The following SCRIB variants were observed in gnomAD, a reference collection of about 807,000 sequenced individuals.
The protein encoded by SCRIB is protein scribble homolog.
A neutral mutation model predicts 170.0 loss-of-function variants in SCRIB; 72 were observed. The observed-to-expected ratio is 0.42, with a 90% confidence interval of 0.35 to 0.52. The LOEUF (loss-of-function observed/expected upper bound fraction) is 0.52, where lower values mean the gene tolerates loss of function less well. SCRIB is among the 20% of genes least tolerant of loss of function. The pLI is 0.02. For synonymous variants in SCRIB, 1,298 were observed against 1,044.3 expected (o/e 1.24, Z -4.68); for missense variants, 2,475 against 2,338.5 (o/e 1.06, Z -1.20).
Position 143,805,158 on chromosome 8 carries a change from C to T in SCRIB, c.2624G>A (p.Ser875Asn). 13 of 1,577,372 alleles carry T rather than the reference C, an allele frequency of 8.2e-6. No individual in the cohort carries two copies. Among genetic ancestry groups the T allele is most frequent in the Non-Finnish European group, 1.1e-5 (13 of 1,160,688 alleles). Residue 875 changes from serine (S) to asparagine (N), a missense_variant, in exon 19 of 37, where the codon AGC becomes AAC. Ser to Asn is a conservative substitution (Grantham distance 46, BLOSUM62 1). Coordinates refer to ENST00000356994, the MANE Select transcript of SCRIB (RefSeq NM_182706.5). Reference protein sequence around the residue: ...LARSERGLGFSIAGGKGSTPY... With the variant: ...LARSERGLGFNIAGGKGSTPY... ...TGTGGAGCCTTTCCCACCAGCAATGCTGAAGCCCAGCCCCCTCTCGCTGCG... is the reference window on the plus strand; with the variant it reads ...TGTGGAGCCTTTCCCACCAGCAATGTTGAAGCCCAGCCCCCTCTCGCTGCG...
At position 143,792,798 on chromosome 8, in the gene SCRIB, G is replaced by A. The variant is rs1554633245; in HGVS notation, c.4087C>T (p.Leu1363=). The change falls in exon 30 of 37, where the codon CTG becomes TTG. Residue 1363 remains leucine, a synonymous_variant. Transcript: ENST00000356994. ...TCGGCCTGGGGCACGCGCACCTCCA[G>A]CTCAAAGTACTTCTGCCGCTCCCGG... ...SFRERQKYFE[L]EVRVPQAEGP... 4 of 1,570,564 alleles carry A rather than the reference G, an allele frequency of 2.5e-6. No homozygotes were observed. The highest frequency in any genetic ancestry group is 1.7e-4 in the Middle Eastern group (1 of 5,874).
At chr8:143,806,175 A>T (rs1485362342) in intron 18 of SCRIB, among the ~76,000 whole-genome samples, 3 of 152,150 alleles carry the variant, frequency 2.0e-5, no homozygotes, top group Non-Finnish European at 4.4e-5. Flanking sequence ...AAAGATGAGC[A>T]ATCAGGGCGC....
At position 143,810,469 on chromosome 8, in the gene SCRIB, C is replaced by T; in HGVS notation, c.1530+10G>A. The T allele has an allele frequency of 6.2e-7, 1 of 1,604,978 alleles. No individual in the cohort carries two copies. The highest frequency in any genetic ancestry group is 8.5e-7 in the Non-Finnish European group (1 of 1,179,306). ...AGCGGCCCGCCAGGTTGCCGTGGCTCCATGCCCACCTCCTCTGCAGGCAAG... is the reference window on the plus strand; with the variant it reads ...AGCGGCCCGCCAGGTTGCCGTGGCTTCATGCCCACCTCCTCTGCAGGCAAG... On this transcript the variant is annotated intron_variant, in intron 13 of 36. Transcript: ENST00000356994.
In SCRIB at chr8:143,815,636, C is replaced by A; in HGVS notation, c.-264G>T. On this transcript the variant is annotated 5_prime_UTR_variant, in exon 1 of 37. Transcript: ENST00000356994. The stretch of plus-strand genomic sequence containing the variant: ...GCGGGGAGCGGCGGCGGCGGCGGCT[C>A]CGCATCCCGCTTGGTCCTGCTCAGC... The A allele has an allele frequency of 2.0e-6, 2 of 982,652 alleles. No individual in the cohort carries two copies. Among genetic ancestry groups the A allele is most frequent in the Non-Finnish European group, 2.4e-6 (2 of 828,658 alleles). 60.9% of individuals were successfully genotyped at this position (982,652 alleles called of 1,614,324 possible).
chr8:143,804,278 G>A (rs1425497899), intron 21 of SCRIB, 122 bp from the exon 22 acceptor site: 15 of 757,660 alleles, frequency 2.0e-5, no homozygotes, highest in South Asian at 5.6e-5. Context: ...TAATGCCCAC[G>A]GGGATTTCTG....
chr8:143,809,282 G>C (rs1033543498), intron 14 of SCRIB, among the ~76,000 whole-genome samples: 3 of 152,088 alleles, frequency 2.0e-5, no homozygotes, highest in Non-Finnish European at 4.4e-5. Context: ...AGCCCACGGG[G>C]GTCAGAAGAG....
chr8:143,808,487 A>G lies in SCRIB; in HGVS notation c.2115+122T>C, dbSNP rs1301180368. On this transcript the variant is annotated intron_variant, in intron 15 of 36. Transcript: ENST00000356994. ...TGCCGACTGTGGAGCACACGTGTCC[A>G]CCACCTTCTCCGGGTGGCCAGGGGC... The G allele has an allele frequency of 4.8e-6, 6 of 1,242,266 alleles. No homozygotes were observed. In the African/African-American group the frequency reaches 6.1e-5, roughly 13 times the overall value. 77.0% of individuals were successfully genotyped at this position (1,242,266 alleles called of 1,614,324 possible). A position where few individuals can be genotyped will look rare whatever the true frequency, so the allele number is the denominator to read the frequency against.
Position 143,803,529 on chromosome 8 carries a change from C to A in SCRIB, c.3457G>T (p.Val1153Leu). 6.2e-7 allele frequency: 1 copy of A among 1,604,618 alleles called. No individual in the cohort carries two copies. Among genetic ancestry groups the A allele is most frequent in the Non-Finnish European group, 8.5e-7 (1 of 1,179,476 alleles). Residue 1153 changes from valine (V) to leucine (L), a missense_variant, in exon 24 of 37, where the codon GTG becomes TTG. By Grantham distance (32) the Val-to-Leu change is conservative (BLOSUM62 1). Around this residue, in one of 3 missense-constraint regions of SCRIB, gnomAD observed 1,966 missense variants for 1,742.9 expected, o/e 1.13. Coordinates refer to ENST00000356994, the MANE Select transcript of SCRIB (RefSeq NM_182706.5). ...GAAGRDGRLRVGLRLLEVNQQ... is the reference protein window; with the variant it reads ...GAAGRDGRLRLGLRLLEVNQQ... ...TTCACCTCCAACAGCCGCAAACCCA[C>A]ACGCAGCCGACCGTCGCGCCCGGCT...
Position 143,792,582 on chromosome 8 carries a change from C to G in SCRIB, c.4231G>C (p.Gly1411Arg), listed in dbSNP as rs782693771. The change falls in exon 31 of 37, where the codon GGG becomes CGG. Residue 1411 changes from glycine (G) to arginine (R), a missense_variant. By Grantham distance (125) the Gly-to-Arg change is moderately radical. Transcript: ENST00000356994. Reference sequence around the variant, plus strand: ...TCCAGGGCGAGCCTCGCTTCGGCCCCAGCCTCTGCCGCCTCCCGCAGCATC... The same window carrying G: ...TCCAGGGCGAGCCTCGCTTCGGCCCGAGCCTCTGCCGCCTCCCGCAGCATC... The part of the protein sequence containing the change: ...AQMLREAAEA[G>R]AEARLALDGE... 1.9e-6 allele frequency: 3 copies of G among 1,584,422 alleles called. No individual in the cohort carries two copies. The highest frequency in any genetic ancestry group is 1.1e-5 in the South Asian group (1 of 88,596).
At chr8:143,800,334 T>C (rs1262237968) in intron 24 of SCRIB, among the ~76,000 whole-genome samples, 1 of 152,070 alleles carries the variant, frequency 6.6e-6, no homozygotes, top group African/African-American at 2.4e-5. Flanking sequence ...TTAAAAAATG[T>C]TGTAAGAGAG....
rs1186696971 is a variant in SCRIB, at chr8:143,793,968, G to A, written c.3847-6C>T. Reference sequence around the variant, plus strand: ...CCAGCTGCTCCAGACGGTACCTGGAGGAGTAGGCAGTGGGTGGGGTGAGGA... The same window carrying A: ...CCAGCTGCTCCAGACGGTACCTGGAAGAGTAGGCAGTGGGTGGGGTGAGGA... On this transcript the variant is annotated splice_polypyrimidine_tract_variant and splice_region_variant and intron_variant, in intron 27 of 36. Coordinates refer to ENST00000356994, the MANE Select transcript of SCRIB (RefSeq NM_182706.5). 7 of 1,612,072 alleles carry A rather than the reference G, an allele frequency of 4.3e-6. No homozygotes were observed. The highest frequency in any genetic ancestry group is 3.3e-5 in the South Asian group (3 of 90,974).
In SCRIB at chr8:143,803,402, C is replaced by T. The variant is rs782011516; in HGVS notation, c.3584G>A (p.Ser1195Asn). Residue 1195 changes from serine to asparagine, a missense_variant, in exon 24 of 37, where the codon AGC becomes AAC. Ser to Asn is a conservative substitution (Grantham distance 46). Around this residue, in one of 3 missense-constraint regions of SCRIB, gnomAD observed 1,966 missense variants for 1,742.9 expected, o/e 1.13. Coordinates refer to ENST00000356994, the MANE Select transcript of SCRIB (RefSeq NM_182706.5). ...GCTAACCTCCAGGGCTGCGTCGGTGCTGGCCTCAAAGCCGTCACAGACCAG... is the reference window on the plus strand; with the variant it reads ...GCTAACCTCCAGGGCTGCGTCGGTGTTGGCCTCAAAGCCGTCACAGACCAG... ...TVLVCDGFEA[S>N]TDAALEVSPG... 3 of 1,585,384 alleles carry T rather than the reference C, an allele frequency of 1.9e-6. No individual in the cohort carries two copies. Among genetic ancestry groups the T allele is most frequent in the Non-Finnish European group, 2.6e-6 (3 of 1,169,892 alleles).
At position 143,812,322 on chromosome 8, in the gene SCRIB, C is replaced by T. The variant is rs1370900164; in HGVS notation, c.850G>A (p.Ala284Thr). ...DQNRLCEVTE[A>T]IGDCENLSEL... ...GAGAGGTTCTCACAGTCCCCGATGG[C>T]CTCGGTCACCTCGCACAGCCGATTC... Residue 284 changes from alanine (A) to threonine (T), a missense_variant, in exon 9 of 37, where the codon GCC becomes ACC. By Grantham distance (58) the Ala-to-Thr change is moderately conservative. This residue lies in a region of SCRIB where 487 missense variants were observed against 558.1 expected (regional missense o/e 0.87). Transcript: ENST00000356994. 3.1e-6 allele frequency: 5 copies of T among 1,613,730 alleles called. No homozygotes were observed. Among genetic ancestry groups the T allele is most frequent in the Admixed American group, 3.3e-5 (2 of 59,998 alleles).
At chr8:143,804,282 A>T (rs1815309952) in intron 21 of SCRIB, 126 bp from the exon 22 acceptor site, 1 of 739,042 alleles carries the variant, frequency 1.4e-6, no homozygotes, top group South Asian at 1.9e-5. Flanking sequence ...GCCCACGGGG[A>T]TTTCTGCGCC....
intron 24 of SCRIB, among the ~76,000 whole-genome samples, chr8:143,803,027 G>A (rs1297051359): frequency 2.0e-5 from 3 of 152,210 alleles, no homozygotes; most frequent in African/African-American, 7.2e-5. Context: ...GGCAGGGCTT[G>A]GAGTCATCCC....
At chr8:143,803,074 G>T (rs533136892) in intron 24 of SCRIB, among the ~76,000 whole-genome samples, 1 of 152,186 alleles carries the variant, frequency 6.6e-6, no homozygotes, top group East Asian at 1.9e-4. Flanking sequence ...AGTCACCAGT[G>T]CTCAGCTTCT....
In SCRIB at chr8:143,803,641, G is replaced by T. The variant is rs1481334399; in HGVS notation, c.3414+6C>A. ...CCCAGGGCGGGCTGGGGTGGGGGGG[G>T]CTCACCTTGGAGATGAAGATGCCCT... On this transcript the variant is annotated splice_donor_region_variant and intron_variant, in intron 23 of 36. Coordinates refer to ENST00000356994, the MANE Select transcript of SCRIB (RefSeq NM_182706.5). The T allele has an allele frequency of 2.6e-6, 4 of 1,512,706 alleles. No homozygotes were observed. Among genetic ancestry groups the T allele is most frequent in the Non-Finnish European group, 3.6e-6 (4 of 1,120,876 alleles). 93.7% of individuals were successfully genotyped at this position (1,512,706 alleles called of 1,614,324 possible).
At chr8:143,814,220 TGTC>T in intron 1 of SCRIB, 102 bp from the exon 2 acceptor site, 3 of 976,014 alleles carry the variant, frequency 3.1e-6, no homozygotes, top group Non-Finnish European at 4.6e-6. Flanking sequence ...CCTAGGCCTC[TGTC>T]TGCTCCAGGT....
At position 143,794,334 on chromosome 8, in the gene SCRIB, G is replaced by A. The variant is rs556771203; in HGVS notation, c.3847-372C>T. On this transcript the variant is annotated intron_variant, in intron 27 of 36. Coordinates refer to ENST00000356994, the MANE Select transcript of SCRIB (RefSeq NM_182706.5). Reference sequence around the variant, plus strand: ...TGTGCAGCCCTCAGGGCTCAGTGGCGCCCTGACTGCTGCCCCCATGACTGT... The same window carrying A: ...TGTGCAGCCCTCAGGGCTCAGTGGCACCCTGACTGCTGCCCCCATGACTGT... The A allele has an allele frequency of 2.4e-4, 60 of 248,464 alleles. 1 individual carries two copies. The highest frequency in any genetic ancestry group is 8.3e-4 in the Admixed American group (17 of 20,418). The allele number at this position is 248,464 out of a possible 1,614,324, so 15.4% of individuals were successfully genotyped here.
Sources: allele counts gnomAD v4.1 joint callset (sites outside exome capture counted in the v4.1 genomes callset), GRCh38; gene constraint gnomAD v4.1.1; regional missense constraint gnomAD v4.1.1; transcripts MANE v1.5; gene names NCBI Gene and HGNC (gene_info 2026-07-23, HGNC 2026-07-21).